COL5A2: variants seen among roughly 807,000 people sequenced by gnomAD.
The protein encoded by COL5A2 is collagen type V alpha 2 chain.
A neutral mutation model predicts 208.2 loss-of-function variants in COL5A2; 23 were observed. That is an observed-to-expected ratio of 0.11 (90% confidence interval 0.08 to 0.16). The LOEUF (loss-of-function observed/expected upper bound fraction) is 0.16, where lower values mean the gene tolerates loss of function less well. Among genes scored for constraint, COL5A2 ranks in the 10% least tolerant of loss-of-function variants. COL5A2 has a pLI of 1.00. For synonymous variants in COL5A2, 625 were observed against 628.5 expected (o/e 0.99, Z 0.08); for missense variants, 1,590 against 1,956.4 (o/e 0.81, Z 3.53).
intron 1 of COL5A2, among the ~76,000 whole-genome samples, chr2:189,122,805 CTAAT>C (rs1283056945): frequency 1.3e-5 from 2 of 152,106 alleles, no homozygotes; most frequent in African/African-American, 4.8e-5. Flanking sequence ...ACGTAACTAC[CTAAT>C]TAAAGATAAA....
intron 1 of COL5A2, among the ~76,000 whole-genome samples, chr2:189,214,274 T>C (rs978270854): frequency 3.3e-5 from 5 of 152,128 alleles, no homozygotes; most frequent in African/African-American, 1.2e-4. Flanking sequence ...AAAGTAGAAA[T>C]ACCTTAATGT....
At chr2:189,432,115 A>G in the COL5A2 span, among the ~76,000 whole-genome samples, 25 of 152,358 alleles carry the variant, frequency 1.6e-4, no homozygotes, top group African/African-American at 6.0e-4. Context: ...TAAGTGAAGG[A>G]GAAATGAAAT....
At chr2:189,407,265 C>A in the COL5A2 span, among the ~76,000 whole-genome samples, 3 of 152,026 alleles carry the variant, frequency 2.0e-5, no homozygotes, top group African/African-American at 7.2e-5. Context: ...GTAGGAAGTA[C>A]ATGATAAGAA....
At chr2:189,286,242 C>A in the COL5A2 span, among the ~76,000 whole-genome samples, 1 of 152,132 alleles carries the variant, frequency 6.6e-6, no homozygotes, top group Non-Finnish European at 1.5e-5. Flanking sequence ...TTTTGCCAAA[C>A]ACCAGATCAC....
chr2:189,323,271 T>G, the COL5A2 span, among the ~76,000 whole-genome samples: 1 of 152,278 alleles, frequency 6.6e-6, no homozygotes, highest in South Asian at 2.1e-4. Context: ...AAGACAGGGA[T>G]GCCCTCTCTC....
At chr2:189,435,124 T>C in the COL5A2 span, among the ~76,000 whole-genome samples, 2 of 152,236 alleles carry the variant, frequency 1.3e-5, no homozygotes, top group African/African-American at 2.4e-5. Context: ...GCTAGCCATA[T>C]GTAGAAAGCT....
chr2:189,093,394 C>A (rs1327779357), intron 6 of COL5A2, among the ~76,000 whole-genome samples: 3 of 152,072 alleles, frequency 2.0e-5, no homozygotes, highest in African/African-American at 7.2e-5. Flanking sequence ...AAAGAACTCC[C>A]ATGCTTAAAC....
chr2:189,284,709 A>C, the COL5A2 span, among the ~76,000 whole-genome samples: 1 of 152,188 alleles, frequency 6.6e-6, no homozygotes, highest in African/African-American at 2.4e-5. Context: ...ATGTTGCTTA[A>C]CAACAAGGAT....
chr2:189,435,583 C>T, the COL5A2 span, among the ~76,000 whole-genome samples: 6 of 152,140 alleles, frequency 3.9e-5, no homozygotes, highest in Non-Finnish European at 8.8e-5. Flanking sequence ...AAAATGATCA[C>T]CATCACTGGC....
At chr2:189,102,924 T>C (rs1225536835) in intron 3 of COL5A2, among the ~76,000 whole-genome samples, 1 of 152,110 alleles carries the variant, frequency 6.6e-6, no homozygotes, top group African/African-American at 2.4e-5. Context: ...GTCTGCTACA[T>C]TGGCAGCTGC....
chr2:189,237,783 T>C, the COL5A2 span, among the ~76,000 whole-genome samples: 2 of 151,882 alleles, frequency 1.3e-5, 1 homozygote, highest in Admixed American at 1.3e-4. Flanking sequence ...TTCATAGAAA[T>C]TTATGAAACT....
the COL5A2 span, among the ~76,000 whole-genome samples, chr2:189,365,423 T>C: frequency 6.6e-6 from 1 of 152,228 alleles, no homozygotes; most frequent in Admixed American, 6.5e-5. Context: ...ATTGTCTTCC[T>C]AAATCAAGCC....
Position 189,072,043 on chromosome 2 carries a change from C to A in COL5A2, c.1155G>T (p.Met385Ile). Residue 385 changes from methionine to isoleucine, a missense_variant, in exon 18 of 54, where the codon ATG becomes ATT. Coordinates refer to ENST00000374866, the MANE Select transcript of COL5A2 (RefSeq NM_000393.5). ...GSSGFPGNPGMKGEAGPTGAR... is the reference protein window; with the variant it reads ...GSSGFPGNPGIKGEAGPTGAR... ...TATATTAACATTAACATCTTACCTT[C>A]ATTCCAGGATTTCCTGGAAAACCAG... 3 of 1,599,150 alleles carry A rather than the reference C, an allele frequency of 1.9e-6. No individual in the cohort carries two copies. The highest frequency in any genetic ancestry group is 2.6e-6 in the Non-Finnish European group (3 of 1,168,374).
the COL5A2 span, among the ~76,000 whole-genome samples, chr2:189,249,139 C>A: frequency 6.6e-6 from 1 of 152,096 alleles, no homozygotes; most frequent in Non-Finnish European, 1.5e-5. Context: ...CATATATTAT[C>A]TCAGGATTAT....
intron 1 of COL5A2, among the ~76,000 whole-genome samples, chr2:189,223,458 A>G (rs2105880885): frequency 6.6e-6 from 1 of 152,186 alleles, no homozygotes; most frequent in East Asian, 1.9e-4. Context: ...TAAACCAAGA[A>G]GTCTAGAAAA....
At chr2:189,040,396 G>A (rs1685535451) in intron 50 of COL5A2, among the ~76,000 whole-genome samples, 1 of 141,260 alleles carries the variant, frequency 7.1e-6, no homozygotes, top group Admixed American at 7.5e-5. Flanking sequence ...AGCACAAAAA[G>A]TGGCAGAGAC....
At chr2:189,139,722 A>T (rs529869839) in intron 1 of COL5A2, among the ~76,000 whole-genome samples, 2 of 152,348 alleles carry the variant, frequency 1.3e-5, no homozygotes, top group South Asian at 4.1e-4. Context: ...CCTTTGTACT[A>T]TCGGTACAAT....
the COL5A2 span, among the ~76,000 whole-genome samples, chr2:189,326,460 C>T: frequency 4.8e-4 from 73 of 151,628 alleles, no homozygotes; most frequent in South Asian, 0.014. Context: ...TTTGGGAAGC[C>T]GAGGCCAGGA....
At chr2:189,268,614 G>T in the COL5A2 span, among the ~76,000 whole-genome samples, 1 of 151,984 alleles carries the variant, frequency 6.6e-6, no homozygotes, top group Non-Finnish European at 1.5e-5. Context: ...ACATATACAA[G>T]ACAACATGCT....
Sources: allele counts gnomAD v4.1 joint callset (sites outside exome capture counted in the v4.1 genomes callset), GRCh38; gene constraint gnomAD v4.1.1; transcripts MANE v1.5; gene names NCBI Gene and HGNC (gene_info 2026-07-23, HGNC 2026-07-21).